The following PCDHGA6 variants were observed in gnomAD, a reference collection of about 807,000 sequenced individuals.
PCDHGA6 encodes the protein protocadherin gamma-A6.
In PCDHGA6, 41 loss-of-function variants were observed where a neutral mutation model predicts 60.6. The observed-to-expected ratio is 0.68, with a 90% CI of 0.53 to 0.88. PCDHGA6 has a LOEUF of 0.88. PCDHGA6 is among the 40% of genes least tolerant of loss of function. The pLI is 0.00. For synonymous variants in PCDHGA6, 594 were observed against 524.4 expected, an observed-to-expected ratio of 1.13 and a Z score of -1.81; for missense variants, 1,312 against 1,203.0, an observed-to-expected ratio of 1.09 and a Z score of -1.34.
rs376001893 is a variant in PCDHGA6 at position 141,388,827 on chromosome 5, A to G, written c.2424+12320A>G. ...TTTTGAAGAAGTCAAAGAATATTCC[A>G]TAGTTTTGGAAGCAAGGGACGGTGG... On this transcript the variant is annotated intron_variant, in intron 1 of 3. Coordinates refer to ENST00000517434, the MANE Select transcript of PCDHGA6 (RefSeq NM_018919.3). The G allele has an allele frequency of 9.9e-6, 16 of 1,614,024 alleles. No homozygotes were observed. The African/African-American group carries it at 1.7e-4, about 17-fold the overall frequency.
rs757468959 is a variant in PCDHGA6, at chr5:141,395,139, G to A, written c.2424+18632G>A. On this transcript the variant is annotated intron_variant, in intron 1 of 3. Coordinates refer to ENST00000517434, the MANE Select transcript of PCDHGA6 (RefSeq NM_018919.3). ...CCTGATCTTTCCCCAGCCCAACTAC[G>A]CAGACATGCTCATCAGTCAGGAGGG... 10 of 1,614,026 alleles carry A rather than the reference G, an allele frequency of 6.2e-6. No homozygotes were observed. In the East Asian group the frequency reaches 1.3e-4, roughly 22 times the overall value.
At chr5:141,452,076 G>A (rs978382005) in intron 1 of PCDHGA6, among the ~76,000 whole-genome samples, 3 of 152,092 alleles carry the variant, frequency 2.0e-5, no homozygotes, top group Non-Finnish European at 2.9e-5. Flanking sequence ...TTATTAGTTG[G>A]CATTATACAG....
intron 1 of PCDHGA6, among the ~76,000 whole-genome samples, chr5:141,451,873 C>A (rs1425706652): frequency 1.3e-5 from 2 of 151,830 alleles, no homozygotes; most frequent in East Asian, 3.9e-4. Context: ...AGAATGAAAC[C>A]CTGTCAAGAA....
rs192747939 is a variant in PCDHGA6 at position 141,487,483 on chromosome 5, T to C, written c.2425-7324T>C. 12 of 1,614,224 alleles carry C rather than the reference T, an allele frequency of 7.4e-6. No individual in the cohort carries two copies. In the Admixed American group the frequency reaches 1.8e-4, roughly 25 times the overall value. On this transcript the variant is annotated intron_variant, in intron 1 of 3. Coordinates refer to ENST00000517434, the MANE Select transcript of PCDHGA6 (RefSeq NM_018919.3). This position sits in a 1 kb window ranked among gnomAD's most constrained non-coding sequence, Gnocchi z 5.0. ...TTGTTGATGTGGGAGGCCACTCTCA[T>C]GGCTGTACACCCTTGGCTTCTGCAC... is the stretch of plus-strand genomic sequence containing the variant.
intron 1 of PCDHGA6, among the ~76,000 whole-genome samples, chr5:141,445,490 C>T (rs1181158971): frequency 6.6e-6 from 1 of 152,134 alleles, no homozygotes; most frequent in Non-Finnish European, 1.5e-5. Flanking sequence ...AGTTAATGGG[C>T]CCTATTCTAA....
At chr5:141,390,318 C>T in intron 1 of PCDHGA6, 1 of 1,609,020 alleles carries the variant, frequency 6.2e-7, no homozygotes, top group Non-Finnish European at 8.5e-7. Context: ...TGCTCATTGC[C>T]TACCCATTTC....
chr5:141,491,666 G>A lies in PCDHGA6; in HGVS notation c.2425-3141G>A, dbSNP rs373526771. 9.4e-5 allele frequency: 152 copies of A among 1,613,614 alleles called. No homozygotes were observed. The highest frequency in any genetic ancestry group is 1.2e-4 in the Non-Finnish European group (142 of 1,180,016). The stretch of plus-strand genomic sequence containing the variant: ...CTGGCGCTGGAGCCTGACGCCATCC[G>A]GTCCCGCTCTAATACGCTGCGGGAG... On this transcript the variant is annotated intron_variant, in intron 1 of 3. Coordinates refer to ENST00000517434, the MANE Select transcript of PCDHGA6 (RefSeq NM_018919.3). This position sits in a 1 kb window ranked among gnomAD's most constrained non-coding sequence, Gnocchi z 6.9.
chr5:141,470,911 G>C (rs1208467445), intron 1 of PCDHGA6, among the ~76,000 whole-genome samples: 1 of 151,916 alleles, frequency 6.6e-6, no homozygotes, highest in African/African-American at 2.4e-5. Context: ...AGATGGGACT[G>C]TCCCTATGTT....
At chr5:141,415,473 C>T in intron 1 of PCDHGA6, 2 of 1,614,224 alleles carry the variant, frequency 1.2e-6, no homozygotes, top group Non-Finnish European at 1.7e-6. Flanking sequence ...TCACCGCGGA[C>T]TCGCGAAAGA....
intron 1 of PCDHGA6, chr5:141,426,927 A>G (rs1480193041): frequency 2.2e-6 from 1 of 456,634 alleles, no homozygotes; most frequent in African/African-American, 2.0e-5. Flanking sequence ...AGCAATGGAC[A>G]TGGGTGACCC....
At chr5:141,412,204 T>G (rs2095542280) in intron 1 of PCDHGA6, 1 of 152,240 alleles carries the variant, frequency 6.6e-6, no homozygotes, top group Admixed American at 6.5e-5. Context: ...ACAGGTCATT[T>G]GACATAAACA....
intron 1 of PCDHGA6, among the ~76,000 whole-genome samples, chr5:141,481,692 G>T (rs1231630072): frequency 6.6e-6 from 1 of 152,020 alleles, no homozygotes; most frequent in African/African-American, 2.4e-5. Context: ...GGTGGCTCAC[G>T]CCTGTAATCC....
intron 1 of PCDHGA6, chr5:141,399,869 G>A: frequency 1.2e-6 from 2 of 1,612,822 alleles, no homozygotes; most frequent in Non-Finnish European, 8.5e-7. Context: ...GCAGAGCCCG[G>A]CTACCTGGTG....
Position 141,512,559 on chromosome 5 carries a change from C to T in PCDHGA6, c.*1386C>T, listed in dbSNP as rs1396321304. The T allele has an allele frequency of 6.5e-6, 1 of 152,904 alleles. No individual in the cohort carries two copies. The highest frequency in any genetic ancestry group is 1.5e-5 in the Non-Finnish European group (1 of 68,438). The allele number at this position is 152,904 out of a possible 1,614,324, so 9.5% of individuals were successfully genotyped here. ...CCCCAGTGCCTCCTTGTGCATAGAC[C>T]TTCTTCTCCCACCCCCTTCTGCCCC... On this transcript the variant is annotated 3_prime_UTR_variant, in exon 4 of 4. Coordinates refer to ENST00000517434, the MANE Select transcript of PCDHGA6 (RefSeq NM_018919.3).
At chr5:141,417,532 T>TA (rs1457524771) in intron 1 of PCDHGA6, 17 of 284,868 alleles carry the variant, frequency 6.0e-5, no homozygotes, top group Non-Finnish European at 8.4e-5. Context: ...ACTCGTAGTT[T>TA]AAAAAAAATT....
intron 1 of PCDHGA6, chr5:141,398,640 ACT>A (rs2093681875): frequency 1.9e-6 from 3 of 1,613,828 alleles, no homozygotes; most frequent in Non-Finnish European, 2.5e-6. Flanking sequence ...AGAAGTATAA[ACT>A]CTCTCTTAAC....
chr5:141,423,956 A>T, intron 1 of PCDHGA6: 4 of 1,182,724 alleles, frequency 3.4e-6, no homozygotes, highest in Non-Finnish European at 4.2e-6. Context: ...TTTTAGTATT[A>T]TTTTTCTATT....
chr5:141,511,581 T>C lies in PCDHGA6; in HGVS notation c.*408T>C, dbSNP rs2099883862. ...TCTTTCCCGAGTAAGGTGGTTGGGG[T>C]GTTGAAGTACCAAGTAACCTACAAG... On this transcript the variant is annotated 3_prime_UTR_variant, in exon 4 of 4. Transcript: ENST00000517434. 1 of 281,638 alleles carries C rather than the reference T, an allele frequency of 3.6e-6. No homozygotes were observed. The highest frequency in any genetic ancestry group is 2.2e-5 in the African/African-American group (1 of 46,302). 17.4% of individuals were successfully genotyped at this position (281,638 alleles called of 1,614,324 possible). A position where few individuals can be genotyped will look rare whatever the true frequency, so the allele number is the denominator to read the frequency against.
intron 1 of PCDHGA6, chr5:141,442,507 G>C (rs1394231840): frequency 1.3e-5 from 2 of 152,208 alleles, no homozygotes; most frequent in Non-Finnish European, 1.5e-5. Flanking sequence ...TATTCTAATT[G>C]CTTGGGCAGA....
Sources: allele counts gnomAD v4.1 joint callset (sites outside exome capture counted in the v4.1 genomes callset), GRCh38; gene constraint gnomAD v4.1.1; non-coding constraint Gnocchi (gnomAD v3.1); transcripts MANE v1.5; gene names NCBI Gene and HGNC (gene_info 2026-07-23, HGNC 2026-07-21).